C10orf105: variants seen among roughly 807,000 people sequenced by gnomAD.
C10orf105 encodes chromosome 10 open reading frame 105, also known as uncharacterized protein C10orf105.
A neutral mutation model predicts 0.6 loss-of-function variants in C10orf105; 2 were observed. That is an observed-to-expected ratio of 3.18 (90% confidence interval 1.30 to 10.01). C10orf105 has a LOEUF of 10.01. Ranked by LOEUF, C10orf105 falls within the 30% of genes most tolerant of loss-of-function variation. The probability of loss-of-function intolerance (pLI) is 0.04; values close to 1 mark genes in which losing one functional copy is unlikely to be tolerated. For missense variants in C10orf105, 209 were observed against 191.4 expected (o/e 1.09, Z -0.54); for synonymous variants, 95 against 82.4 (o/e 1.15, Z -0.83).
At chr10:71,726,374 G>C (rs912133276) in intron 1 of C10orf105, among the ~76,000 whole-genome samples, 1 of 152,178 alleles carries the variant, frequency 6.6e-6, no homozygotes, top group Non-Finnish European at 1.5e-5. Flanking sequence ...CCCCCAGGCT[G>C]GAAACAATGA....
rs1839498498 is a variant in C10orf105 at position 71,734,477 on chromosome 10, C to T, written c.-6+3251G>A. 3 of 1,515,104 alleles carry T rather than the reference C, an allele frequency of 2.0e-6. No homozygotes were observed. In the African/African-American group the frequency reaches 4.1e-5, roughly 21 times the overall value. 93.9% of individuals were successfully genotyped at this position (1,515,104 alleles called of 1,614,324 possible). ...GGGTCTTGATAGCCTGAGGCTTCGC[C>T]ATGTCCAGCCATGCCACACCTTCCC... On this transcript the variant is annotated intron_variant, in intron 1 of 1. Transcript: ENST00000398786.
At chr10:71,726,666 T>C (rs986049862) in intron 1 of C10orf105, among the ~76,000 whole-genome samples, 2 of 152,226 alleles carry the variant, frequency 1.3e-5, no homozygotes, top group African/African-American at 4.8e-5. Context: ...CTGGCTTGCA[T>C]GACTGTGAAT....
intron 1 of C10orf105, chr10:71,732,537 C>A: frequency 7.6e-7 from 1 of 1,322,124 alleles, no homozygotes; most frequent in Non-Finnish European, 1.0e-6. Context: ...GAGGCTGGGG[C>A]AGGAAGATTG....
At chr10:71,721,189 G>A (rs1267095725), upstream of C10orf105, among the ~76,000 whole-genome samples, 1 of 152,206 alleles carries the variant, frequency 6.6e-6, no homozygotes, top group Non-Finnish European at 1.5e-5. Context: ...GGGCAACGTG[G>A]CTCTCTTCAC....
chr10:71,720,422 C>CACACACACACACAA (rs1164305135), upstream of C10orf105, among the ~76,000 whole-genome samples: 1 of 148,044 alleles, frequency 6.8e-6, no homozygotes, highest in African/African-American at 2.5e-5. Context: ...CTTTCCAAAA[C>CACACACACACACAA]ACACACACAC....
At chr10:71,731,401 G>A (rs1480190222) in intron 1 of C10orf105, among the ~76,000 whole-genome samples, 5 of 152,210 alleles carry the variant, frequency 3.3e-5, no homozygotes, top group Non-Finnish European at 5.9e-5. Context: ...GGAATCTCAG[G>A]CATGTTAGGA....
chr10:71,727,666 C>T (rs146558641), intron 1 of C10orf105, among the ~76,000 whole-genome samples: 19 of 152,300 alleles, frequency 1.2e-4, no homozygotes, highest in Non-Finnish European at 1.0e-4. Flanking sequence ...GACACATACA[C>T]ACACACACAC....
intron 1 of C10orf105, among the ~76,000 whole-genome samples, chr10:71,718,574 C>A (rs1456853614): frequency 6.6e-6 from 1 of 152,202 alleles, no homozygotes; most frequent in Non-Finnish European, 1.5e-5. Context: ...CGCTCATTCC[C>A]GTGGGGAGAA....
rs541830834 is a variant in C10orf105 at position 71,728,711 on chromosome 10, C to T, written c.-6+9017G>A. Among the ~76,000 whole-genome samples the T allele has an allele frequency of 2.2e-4, 33 of 152,318 alleles. No homozygotes were observed. The South Asian group carries it at 6.8e-3, about 32-fold the overall frequency. On this transcript the variant is annotated intron_variant, in intron 1 of 1. Coordinates refer to the C10orf105 transcript ENST00000398786. ...TGGCAAGTTCCTACCGGCCCCAGCT[C>T]TGTTTGGCTGGGAAGAGGGTGCCTC...
Position 71,715,789 on chromosome 10 carries a change from TG to T in C10orf105, c.*146del. ...TCATCTTTGGGAAAGGGCGCTGGCCTGGGCATGCAAGGAGCTTCGGGGGGTG... is the reference window on the plus strand; with the variant it reads ...TCATCTTTGGGAAAGGGCGCTGGCCTGGCATGCAAGGAGCTTCGGGGGGTG... On this transcript the variant is annotated 3_prime_UTR_variant, in exon 2 of 2. Transcript: ENST00000441508. The T allele has an allele frequency of 4.3e-6, 3 of 704,524 alleles. No homozygotes were observed. The highest frequency in any genetic ancestry group is 6.5e-6 in the Non-Finnish European group (3 of 458,156). The allele number at this position is 704,524 out of a possible 1,614,324, so 43.6% of individuals were successfully genotyped here. A position where few individuals can be genotyped will look rare whatever the true frequency, so the allele number is the denominator to read the frequency against.
chr10:71,712,867 C>A lies in C10orf105; in HGVS notation c.*3069G>T. The A allele has an allele frequency of 3.2e-6, 5 of 1,583,970 alleles. No homozygotes were observed. The highest frequency in any genetic ancestry group is 4.3e-6 in the Non-Finnish European group (5 of 1,163,722). Reference sequence around the variant, plus strand: ...TGGTGGGCTGGGGGAGGCGGAGCCACACACGGCCCTGAGGGCACATGCTCA... The same window carrying A: ...TGGTGGGCTGGGGGAGGCGGAGCCAAACACGGCCCTGAGGGCACATGCTCA... On this transcript the variant is annotated 3_prime_UTR_variant, in exon 2 of 2. Transcript: ENST00000441508.
chr10:71,723,569 A>G (rs867647774), upstream of C10orf105, among the ~76,000 whole-genome samples: 6 of 152,256 alleles, frequency 3.9e-5, no homozygotes, highest in Middle Eastern at 0.01. Context: ...CCACGAAGTG[A>G]CCGTTACAGT....
chr10:71,720,134 G>T (rs1050730283), upstream of C10orf105, among the ~76,000 whole-genome samples: 3 of 152,224 alleles, frequency 2.0e-5, no homozygotes, highest in African/African-American at 4.8e-5. Context: ...CTGGAGAGGG[G>T]CTACAAGCCA....
chr10:71,731,974 T>C, intron 1 of C10orf105: 1 of 1,611,396 alleles, frequency 6.2e-7, no homozygotes, highest in Non-Finnish European at 8.5e-7. Context: ...ACAGCCTCTG[T>C]GTCCTCCTAC....
At chr10:71,730,663 A>T in intron 1 of C10orf105, 1 of 1,599,166 alleles carries the variant, frequency 6.3e-7, no homozygotes, top group Admixed American at 1.7e-5. Context: ...TCCCCAGCTC[A>T]CCCAGCCCCT....
At chr10:71,731,180 G>T (rs1031016491) in intron 1 of C10orf105, among the ~76,000 whole-genome samples, 1 of 152,188 alleles carries the variant, frequency 6.6e-6, no homozygotes, top group Non-Finnish European at 1.5e-5. Flanking sequence ...CCCTCCGTGC[G>T]GCCTGGGCTG....
chr10:71,721,667 C>T (rs147801971), upstream of C10orf105, among the ~76,000 whole-genome samples: 1 of 152,342 alleles, frequency 6.6e-6, no homozygotes, highest in East Asian at 1.9e-4. Context: ...TCCTTAGACA[C>T]ACTTACCGCA....
upstream of C10orf105, chr10:71,724,150 G>T (rs979732919): frequency 1.7e-5 from 27 of 1,543,522 alleles, no homozygotes; most frequent in Non-Finnish European, 2.4e-5. Flanking sequence ...TCCTGCCCAG[G>T]GGAGGGCAGA....
upstream of C10orf105, among the ~76,000 whole-genome samples, chr10:71,721,692 A>T (rs1031728293): frequency 2.6e-5 from 4 of 152,202 alleles, no homozygotes; most frequent in Non-Finnish European, 5.9e-5. Context: ...CCGGATGTGC[A>T]TCGAGGCCAG....
Sources: gnomAD v4.1 joint callset for allele counts (sites outside exome capture counted in the v4.1 genomes callset) on GRCh38, gnomAD v4.1.1 for gene constraint, MANE v1.5 for transcripts, NCBI Gene and HGNC (gene_info 2026-07-23, HGNC 2026-07-21) for gene names.